SOBP: variants seen among roughly 807,000 people sequenced by gnomAD.
The protein encoded by SOBP is sine oculis-binding protein homolog.
SOBP carries 4 observed loss-of-function variants against 53.6 expected under a neutral mutation model. The ratio of observed to expected loss-of-function variants is 0.07; its 90% CI spans 0.04 to 0.17. The LOEUF (loss-of-function observed/expected upper bound fraction) is 0.17, where lower values mean the gene tolerates loss of function less well. SOBP is among the 10% of genes least tolerant of loss of function. The pLI is 1.00. For missense variants in SOBP, 1,088 were observed against 1,204.7 expected (o/e 0.90, Z 1.43); for synonymous variants, 584 against 522.6 (o/e 1.12, Z -1.60).
intron 1 of SOBP, among the ~76,000 whole-genome samples, chr6:107,495,421 C>A (rs945774613): frequency 4.6e-5 from 7 of 152,166 alleles, no homozygotes; most frequent in Admixed American, 4.6e-4. Flanking sequence ...GTGTGATGTA[C>A]GGTAGAGCGT....
intron 3 of SOBP, among the ~76,000 whole-genome samples, chr6:107,530,350 A>G (rs1783785554): frequency 6.6e-6 from 1 of 152,188 alleles, no homozygotes; most frequent in African/African-American, 2.4e-5. Flanking sequence ...TCAGGTAGAA[A>G]GAGATGCAGG....
intron 4 of SOBP, among the ~76,000 whole-genome samples, chr6:107,584,025 C>T (rs1244682790): frequency 6.6e-6 from 1 of 152,134 alleles, no homozygotes. Flanking sequence ...ATATCCCCCT[C>T]TCATAGCACA....
Position 107,577,944 on chromosome 6 carries a change from G to A in SOBP, c.574-9136G>A, listed in dbSNP as rs530234223. Among the ~76,000 whole-genome samples, 5 of 152,184 alleles carry A rather than the reference G, an allele frequency of 3.3e-5. No individual in the cohort carries two copies. The South Asian group carries it at 8.3e-4, about 25-fold the overall frequency. ...AAAAAATTAGCCAGGCATGGTGGCA[G>A]ATGCCTATAGTCCCAGCTACTCGGG... On this transcript the variant is annotated intron_variant, in intron 4 of 6. Transcript: ENST00000317357.
intron 3 of SOBP, among the ~76,000 whole-genome samples, chr6:107,517,248 G>T (rs998435798): frequency 2.0e-5 from 3 of 152,170 alleles, no homozygotes; most frequent in African/African-American, 7.2e-5. Flanking sequence ...AGCTCAGGCT[G>T]ACATAAAATA....
intron 3 of SOBP, among the ~76,000 whole-genome samples, chr6:107,528,690 G>T (rs1783735529): frequency 6.6e-6 from 1 of 152,138 alleles, no homozygotes; most frequent in Admixed American, 6.5e-5. Context: ...TTTGTCTATT[G>T]TTGTGTCACT....
chr6:107,598,175 TA>T (rs151155700), intron 5 of SOBP, among the ~76,000 whole-genome samples: 16,709 of 150,486 alleles, frequency 0.11, 1,078 homozygotes, highest in Admixed American at 0.19. Context: ...AAGAGAACTT[TA>T]AAAAAAAAAG....
At chr6:107,584,271 A>G (rs1028497418) in intron 4 of SOBP, among the ~76,000 whole-genome samples, 1 of 151,138 alleles carries the variant, frequency 6.6e-6, no homozygotes, top group Admixed American at 6.6e-5. Context: ...AAAAAAAAAA[A>G]CACCCCAGAT....
At chr6:107,553,285 G>A (rs10457171) in intron 4 of SOBP, among the ~76,000 whole-genome samples, 10,231 of 146,324 alleles carry the variant, frequency 0.07, 810 homozygotes, top group African/African-American at 0.2. Flanking sequence ...ATCCACTCAC[G>A]GGCTTATTAT....
intron 5 of SOBP, among the ~76,000 whole-genome samples, chr6:107,592,189 A>AAGAC: frequency 1.3e-5 from 2 of 152,178 alleles, no homozygotes; most frequent in East Asian, 3.9e-4. Flanking sequence ...CTTAAAGTGA[A>AAGAC]AGACACATCA....
At chr6:107,530,709 ATGAAATGGAGTT>A (rs1410480890) in intron 3 of SOBP, among the ~76,000 whole-genome samples, 1 of 152,158 alleles carries the variant, frequency 6.6e-6, no homozygotes, top group Non-Finnish European at 1.5e-5. Flanking sequence ...ATATACCTTT[ATGAAATGGAGTT>A]GTATGAAAAA....
intron 4 of SOBP, among the ~76,000 whole-genome samples, chr6:107,562,587 T>C (rs1433748698): frequency 6.6e-6 from 1 of 152,202 alleles, no homozygotes; most frequent in Non-Finnish European, 1.5e-5. Flanking sequence ...AATTCCATGT[T>C]TCATAATAAA....
At chr6:107,650,983 C>T (rs1263143069) in intron 6 of SOBP, among the ~76,000 whole-genome samples, 1 of 152,188 alleles carries the variant, frequency 6.6e-6, no homozygotes, top group Non-Finnish European at 1.5e-5. Flanking sequence ...TACTCCATGG[C>T]TAGGCACAAT....
chr6:107,594,513 C>T (rs1191942271), intron 5 of SOBP, among the ~76,000 whole-genome samples: 1 of 151,436 alleles, frequency 6.6e-6, no homozygotes, highest in Admixed American at 6.6e-5. Flanking sequence ...AAACTCTCTA[C>T]ATGGTCCCAG....
chr6:107,569,944 G>T (rs1000077976), intron 4 of SOBP, among the ~76,000 whole-genome samples: 1 of 151,882 alleles, frequency 6.6e-6, no homozygotes, highest in Non-Finnish European at 1.5e-5. Flanking sequence ...TACACAGCTC[G>T]AACCTCATCC....
Position 107,635,104 on chromosome 6 carries a change from C to G in SOBP, c.2260C>G (p.Pro754Ala), listed in dbSNP as rs199834185. 1 of 1,608,464 alleles carries G rather than the reference C, an allele frequency of 6.2e-7. No homozygotes were observed. The highest frequency in any genetic ancestry group is 8.5e-7 in the Non-Finnish European group (1 of 1,177,590). Residue 754 changes from proline to alanine, a missense_variant, in exon 6 of 7, where the codon CCC becomes GCC. By Grantham distance (27) the Pro-to-Ala change is conservative. Coordinates refer to ENST00000317357, the MANE Select transcript of SOBP (RefSeq NM_018013.4). This position sits in a 1 kb window ranked among gnomAD's most constrained non-coding sequence, Gnocchi z 4.5. ...GCCGCCGCCGCCGCCGCCCGCGCCC[C>G]CCAAGAAGCTGCTGTCGCCTGAGGA... is the stretch of plus-strand genomic sequence containing the variant. The part of the protein sequence containing the change: ...QPPPPPPPAP[P>A]KKLLSPEEPA...
intron 5 of SOBP, among the ~76,000 whole-genome samples, chr6:107,591,940 T>C (rs1785763279): frequency 6.6e-6 from 1 of 151,418 alleles, no homozygotes; most frequent in Admixed American, 6.6e-5. Context: ...ATGTATGCTT[T>C]TGTGAGGGAC....
intron 6 of SOBP, among the ~76,000 whole-genome samples, chr6:107,654,361 A>G (rs3778579): frequency 0.16 from 25,015 of 152,188 alleles, 2,356 homozygotes; most frequent in South Asian, 0.29. Flanking sequence ...AAATCAGAGG[A>G]AAACCCAAGT....
intron 1 of SOBP, 49 bp from the exon 2 acceptor site, chr6:107,503,608 A>G (rs1782899588): frequency 6.2e-7 from 1 of 1,602,168 alleles, no homozygotes; most frequent in East Asian, 2.2e-5. Flanking sequence ...ATTCTTTTCA[A>G]GTAGTTATTG....
At chr6:107,648,012 T>TTCTCCC (rs1483666569) in intron 6 of SOBP, among the ~76,000 whole-genome samples, 3 of 152,166 alleles carry the variant, frequency 2.0e-5, no homozygotes, top group African/African-American at 7.2e-5. Context: ...ATATGAAGCT[T>TTCTCCC]TCTCCCTCCC....
Sources: gnomAD v4.1 joint callset for allele counts (sites outside exome capture counted in the v4.1 genomes callset) on GRCh38, gnomAD v4.1.1 for gene constraint, Gnocchi (gnomAD v3.1) non-coding constraint, MANE v1.5 for transcripts, NCBI Gene and HGNC (gene_info 2026-07-23, HGNC 2026-07-21) for gene names.